The following SEC16A variants were observed in gnomAD, a reference collection of about 807,000 sequenced individuals.
The protein encoded by SEC16A is protein transport protein Sec16A.
SEC16A carries 110 observed loss-of-function variants against 221.9 expected under a neutral mutation model. That is an observed-to-expected ratio of 0.50 (90% CI 0.42 to 0.58). The LOEUF is 0.58. Among genes scored for constraint, SEC16A ranks in the 20% least tolerant of loss-of-function variants. SEC16A has a pLI of 0.00. For missense variants in SEC16A, 3,165 were observed against 3,097.8 expected (o/e 1.02, Z -0.52); for synonymous variants, 1,393 against 1,257.7 (o/e 1.11, Z -2.28).
chr9:136,454,824 C>T (rs909586526), intron 20 of SEC16A, among the ~76,000 whole-genome samples: 8 of 152,222 alleles, frequency 5.3e-5, no homozygotes, highest in Admixed American at 3.9e-4. Context: ...TAAGAGAAAG[C>T]GCTAAGGACA....
chr9:136,472,762 CGCCTCAAA>C (rs1351231752), intron 3 of SEC16A, among the ~76,000 whole-genome samples: 8 of 152,234 alleles, frequency 5.3e-5, no homozygotes, highest in Non-Finnish European at 8.8e-5. Context: ...CACGCTTAAG[CGCCTCAAA>C]GCCTCAAGGC....
Position 136,447,530 on chromosome 9 carries a change from A to T in SEC16A, c.6559+39T>A. ...ATTGGCCTCTCTCTCTGGGACAGTT[A>T]ATCGTTCAAGCAAGCTCCCACTCCA... On this transcript the variant is annotated intron_variant, in intron 26 of 31. Transcript: ENST00000684901. This position sits in a 1 kb window ranked among gnomAD's most constrained non-coding sequence, Gnocchi z 5.5. 1 of 1,568,156 alleles carries T rather than the reference A, an allele frequency of 6.4e-7. No individual in the cohort carries two copies.
chr9:136,456,257 T>C, intron 18 of SEC16A, 91 bp from the exon 19 acceptor site: 1 of 901,902 alleles, frequency 1.1e-6, no homozygotes, highest in Admixed American at 2.1e-5. Flanking sequence ...AGCTTCAGTG[T>C]TCACTGGCAA....
In SEC16A at chr9:136,447,090, A is replaced by G; in HGVS notation, c.6697+137T>C. 4 of 1,516,508 alleles carry G rather than the reference A, an allele frequency of 2.6e-6. No individual in the cohort carries two copies. The highest frequency in any genetic ancestry group is 1.3e-5 in the South Asian group (1 of 77,466). 93.9% of individuals were successfully genotyped at this position (1,516,508 alleles called of 1,614,324 possible). A position where few individuals can be genotyped will look rare whatever the true frequency, so the allele number is the denominator to read the frequency against. On this transcript the variant is annotated intron_variant, in intron 27 of 31. Transcript: ENST00000684901. This position sits in a 1 kb window ranked among gnomAD's most constrained non-coding sequence, Gnocchi z 5.5. ...AAACAGGCAAATCAAAAAAAAAACC[A>G]CAAACCAACCCCAGGCTCTCTGCAT...
rs1033511809 is a variant in SEC16A, at chr9:136,447,469, G to A, written c.6559+100C>T. 25 of 1,552,904 alleles carry A rather than the reference G, an allele frequency of 1.6e-5. No individual in the cohort carries two copies. The highest frequency in any genetic ancestry group is 8.1e-5 in the African/African-American group (6 of 73,824). ...AGAGGAAAAGCACGCAGGGACGTGC[G>A]GGAAGCCACCTCCTCCCCACGCACA... On this transcript the variant is annotated intron_variant, in intron 26 of 31. Coordinates refer to ENST00000684901, the MANE Select transcript of SEC16A (RefSeq NM_014866.2). The surrounding 1 kb of genome is among the most constrained non-coding windows in gnomAD (Gnocchi z 5.5).
At chr9:136,471,352 TA>T (rs1840844162) in intron 4 of SEC16A, among the ~76,000 whole-genome samples, 2 of 151,926 alleles carry the variant, frequency 1.3e-5, no homozygotes, top group Admixed American at 1.3e-4. Context: ...GGCATGTCTG[TA>T]GTCCCAGCTC....
intron 22 of SEC16A, among the ~76,000 whole-genome samples, chr9:136,452,156 A>G (rs935094673): frequency 1.3e-5 from 2 of 152,194 alleles, no homozygotes; most frequent in African/African-American, 4.8e-5. Flanking sequence ...CTGTAGAAAA[A>G]GAGACGGCCG....
At chr9:136,442,596 G>C (rs1310134650) in intron 31 of SEC16A, among the ~76,000 whole-genome samples, 2 of 152,256 alleles carry the variant, frequency 1.3e-5, no homozygotes, top group African/African-American at 4.8e-5. Flanking sequence ...ACGAGGCTGA[G>C]GGAGGGAAAC....
In SEC16A at chr9:136,463,187, G is replaced by A. The variant is rs192893344; in HGVS notation, c.4648-55C>T. On this transcript the variant is annotated intron_variant, in intron 11 of 31. Transcript: ENST00000684901. ...AACAACGGCTCTCAGGTGAGGACGC[G>A]TTGGACCACCACAGGCACAAAGCCC... The A allele has an allele frequency of 3.1e-4, 489 of 1,589,352 alleles. 1 individual carries two copies. In the East Asian group the frequency reaches 8.5e-3, roughly 28 times the overall value.
Position 136,475,543 on chromosome 9 carries a change from G to A in SEC16A, c.2073C>T (p.His691=), listed in dbSNP as rs374464364. The A allele has an allele frequency of 4.3e-5, 70 of 1,613,368 alleles. No homozygotes were observed. In the African/African-American group the frequency reaches 4.4e-4, roughly 10 times the overall value. Residue 691 remains histidine (H), a synonymous_variant, in exon 3 of 32, where the codon CAC becomes CAT. Transcript: ENST00000684901. The surrounding 1 kb of genome is among the most constrained non-coding windows in gnomAD (Gnocchi z 5.0). ...STTEAVHMLP[H]AGAPPLDTVY... ...CAGTATCCAAGGGCGGTGCCCCTGC[G>A]TGCGGAAGCATGTGCACAGCTTCCG...
intron 18 of SEC16A, 41 bp from the exon 19 acceptor site, chr9:136,456,207 G>C (rs756602555): frequency 6.9e-7 from 1 of 1,448,474 alleles, no homozygotes; most frequent in East Asian, 2.3e-5. Context: ...TCACCACCGG[G>C]TGATGGCAAG....
Position 136,477,061 on chromosome 9 carries a change from G to A in SEC16A, c.555C>T (p.Pro185=). 1 of 1,613,836 alleles carries A rather than the reference G, an allele frequency of 6.2e-7. No homozygotes were observed. The highest frequency in any genetic ancestry group is 8.5e-7 in the Non-Finnish European group (1 of 1,179,900). Reference sequence around the variant, plus strand: ...CGTCATGTGGGTTTTGCCTGCTCAGGGGTCGGTCGAGCCCAGGCATGTTCC... The same window carrying A: ...CGTCATGTGGGTTTTGCCTGCTCAGAGGTCGGTCGAGCCCAGGCATGTTCC... ...PHGNMPGLDR[P]LSRQNPHDGV... Residue 185 remains proline (P), a synonymous_variant, in exon 3 of 32, where the codon CCC becomes CCT. Transcript: ENST00000684901.
rs1191802187 is a variant in SEC16A at position 136,440,651 on chromosome 9, GA to G, written c.*1103del. On this transcript the variant is annotated 3_prime_UTR_variant, in exon 32 of 32. Transcript: ENST00000684901. The stretch of plus-strand genomic sequence containing the variant: ...GTGAGAGGAGGCCCGTCTCTGAGTT[GA>G]ACAGGGTTGAGTCCACCAGGAGCTA... 1 of 152,578 alleles carries G rather than the reference GA, an allele frequency of 6.6e-6. No homozygotes were observed. Among genetic ancestry groups the G allele is most frequent in the African/African-American group, 2.4e-5 (1 of 41,456 alleles). 9.5% of individuals were successfully genotyped at this position (152,578 alleles called of 1,614,324 possible).
At chr9:136,468,318 G>T in intron 5 of SEC16A, 97 bp downstream of exon 5, 4 of 674,324 alleles carry the variant, frequency 5.9e-6, no homozygotes, top group Non-Finnish European at 1.0e-5. Context: ...TTTCCTGGAA[G>T]TCACCAGCAG....
intron 2 of SEC16A, among the ~76,000 whole-genome samples, 190 bp downstream of exon 2, chr9:136,478,519 G>A (rs1841938284): frequency 6.6e-6 from 1 of 152,086 alleles, no homozygotes. Flanking sequence ...TGATGAAAGA[G>A]CATTATGAAG....
chr9:136,452,133 A>G (rs1328398217), intron 22 of SEC16A, among the ~76,000 whole-genome samples: 2 of 152,186 alleles, frequency 1.3e-5, no homozygotes, highest in Non-Finnish European at 2.9e-5. Context: ...AAAAAATTAG[A>G]AAAGAAATTC....
chr9:136,454,464 C>T, intron 20 of SEC16A, 137 bp from the exon 21 acceptor site: 1 of 861,064 alleles, frequency 1.2e-6, no homozygotes, highest in Non-Finnish European at 1.9e-6. Context: ...TCCAACAGAG[C>T]AGAAAGCCTG....
chr9:136,470,874 T>C (rs563826004), intron 4 of SEC16A, among the ~76,000 whole-genome samples: 1 of 152,354 alleles, frequency 6.6e-6, no homozygotes, highest in South Asian at 2.1e-4. Flanking sequence ...AGGAAGGCTC[T>C]ATCTGTGAGA....
At position 136,455,265 on chromosome 9, in the gene SEC16A, G is replaced by A. The variant is rs59512890; in HGVS notation, c.5857+336C>T. Among the ~76,000 whole-genome samples the A allele has an allele frequency of 3.0e-3, 458 of 152,338 alleles. 2 individuals are homozygous for A. Among genetic ancestry groups the A allele is most frequent in the African/African-American group, 0.01 (427 of 41,576 alleles). On this transcript the variant is annotated intron_variant, in intron 20 of 31. Transcript: ENST00000684901. Reference sequence around the variant, plus strand: ...AAGCAGGTTACAGAGGGGCACAGCCGAGGGCGCCGCCCAGACACGGTGCGG... The same window carrying A: ...AAGCAGGTTACAGAGGGGCACAGCCAAGGGCGCCGCCCAGACACGGTGCGG...
Sources: gnomAD v4.1 joint callset for allele counts (sites outside exome capture counted in the v4.1 genomes callset) on GRCh38, gnomAD v4.1.1 for gene constraint, Gnocchi (gnomAD v3.1) non-coding constraint, MANE v1.5 for transcripts, NCBI Gene and HGNC (gene_info 2026-07-23, HGNC 2026-07-21) for gene names.